TECPR2: variants seen among roughly 807,000 people sequenced by gnomAD.
TECPR2 encodes the protein tectonin beta-propeller repeat-containing protein 2.
TECPR2 carries 65 observed loss-of-function variants against 138.1 expected under a neutral mutation model. The observed-to-expected ratio is 0.47, with a 90% CI of 0.39 to 0.58. The LOEUF (loss-of-function observed/expected upper bound fraction) is 0.58. TECPR2 is among the 20% of genes least tolerant of loss of function. The probability of loss-of-function intolerance (pLI) is 0.00; values close to 1 mark genes in which losing one functional copy is unlikely to be tolerated. For missense variants in TECPR2, 1,553 were observed against 1,824.5 expected, an observed-to-expected ratio of 0.85 and a Z score of 2.71; for synonymous variants, 746 against 749.8, an observed-to-expected ratio of 0.99 and a Z score of 0.08.
intron 13 of TECPR2, among the ~76,000 whole-genome samples, chr14:102,446,540 A>G (rs910341916): frequency 1.3e-5 from 2 of 152,154 alleles, no homozygotes; most frequent in African/African-American, 4.8e-5. Flanking sequence ...CAAAGGTTTC[A>G]GCCAAGATCA....
At chr14:102,417,116 C>T (rs1165144386) in intron 5 of TECPR2, among the ~76,000 whole-genome samples, 8 of 152,212 alleles carry the variant, frequency 5.3e-5, no homozygotes, top group Admixed American at 5.2e-4. Context: ...TGATTGAAAG[C>T]GTGCTCTGCT....
chr14:102,459,372 C>T (rs533439437), intron 16 of TECPR2, among the ~76,000 whole-genome samples: 1 of 152,200 alleles, frequency 6.6e-6, no homozygotes, highest in South Asian at 2.1e-4. Flanking sequence ...AGGATGTCAT[C>T]ACACACAGTA....
chr14:102,483,368 T>C (rs953478244), intron 17 of TECPR2, among the ~76,000 whole-genome samples: 1 of 152,040 alleles, frequency 6.6e-6, no homozygotes, highest in Non-Finnish European at 1.5e-5. Context: ...TCTCTTGTTT[T>C]CCTTTTTTTG....
At chr14:102,482,800 C>T (rs1377293373) in intron 17 of TECPR2, among the ~76,000 whole-genome samples, 8 of 150,072 alleles carry the variant, frequency 5.3e-5, no homozygotes, top group South Asian at 2.1e-4. Flanking sequence ...CATTGTCTCT[C>T]GGCTTCCAGG....
chr14:102,472,099 G>A lies in TECPR2; in HGVS notation c.3789+6810G>A, dbSNP rs376449003. Among the ~76,000 whole-genome samples the A allele has an allele frequency of 9.8e-5, 15 of 152,370 alleles. No individual in the cohort carries two copies. In the South Asian group the frequency reaches 1.7e-3, roughly 17 times the overall value. ...GTCCTTGAGTGGGTTGAGCGCCCAT[G>A]TGCCTTGCCTCCTCCTTTTCCCAGC... On this transcript the variant is annotated intron_variant, in intron 17 of 19. Transcript: ENST00000359520.
At chr14:102,469,783 G>T (rs1890620441) in intron 17 of TECPR2, among the ~76,000 whole-genome samples, 1 of 152,032 alleles carries the variant, frequency 6.6e-6, no homozygotes, top group African/African-American at 2.4e-5. Context: ...TTCCTAGTTT[G>T]TTCAGTGTTT....
chr14:102,485,311 G>A (rs1037049715), intron 17 of TECPR2, among the ~76,000 whole-genome samples: 1 of 152,198 alleles, frequency 6.6e-6, no homozygotes, highest in South Asian at 2.1e-4. Flanking sequence ...CCAAACTGCT[G>A]TCTAATGGTG....
rs536687802 is a variant in TECPR2, at chr14:102,369,166, A to G, written c.-73+6050A>G. On this transcript the variant is annotated intron_variant, in intron 1 of 19. Coordinates refer to ENST00000359520, the MANE Select transcript of TECPR2 (RefSeq NM_014844.5). ...AGACCTCCTAAGCCACCACAAATAA[A>G]CATATTATCTGAGTAGAATAGTGCA... is the stretch of plus-strand genomic sequence containing the variant. Among the ~76,000 whole-genome samples the G allele has an allele frequency of 2.2e-4, 34 of 152,150 alleles. No individual in the cohort carries two copies. In the South Asian group the frequency reaches 7.1e-3, roughly 32 times the overall value.
intron 17 of TECPR2, among the ~76,000 whole-genome samples, chr14:102,480,278 G>A (rs1890860482): frequency 6.6e-6 from 1 of 151,382 alleles, no homozygotes. Context: ...AGGCTGGAGT[G>A]CAGTGGCATG....
rs1348130736 is a variant in TECPR2 at position 102,415,453 on chromosome 14, A to G, written c.638+660A>G. Among the ~76,000 whole-genome samples, 2 of 152,208 alleles carry G rather than the reference A, an allele frequency of 1.3e-5. No homozygotes were observed. Among genetic ancestry groups the G allele is most frequent in the Non-Finnish European group, 2.9e-5 (2 of 68,030 alleles). ...AAGGGCATCGAGAAGTCCACCAGCC[A>G]TACCAGCCGTGTGGGAAAAGACAAC... On this transcript the variant is annotated intron_variant, in intron 5 of 19. Transcript: ENST00000359520. The surrounding 1 kb of genome is among the most constrained non-coding windows in gnomAD (Gnocchi z 4.3).
intron 6 of TECPR2, 60 bp from the exon 7 acceptor site, chr14:102,428,190 A>G: frequency 1.4e-6 from 2 of 1,450,080 alleles, no homozygotes; most frequent in Non-Finnish European, 1.8e-6. Flanking sequence ...TTATGCTTTG[A>G]GCTGTTACCG....
rs533403713 is a variant in TECPR2 at position 102,415,712 on chromosome 14, T to C, written c.638+919T>C. 3.1e-4 allele frequency among the ~76,000 whole-genome samples: 47 copies of C among 152,208 alleles called. No individual in the cohort carries two copies. The highest frequency in any genetic ancestry group is 8.7e-4 in the African/African-American group (36 of 41,522). On this transcript the variant is annotated intron_variant, in intron 5 of 19. Transcript: ENST00000359520. The surrounding 1 kb of genome is among the most constrained non-coding windows in gnomAD (Gnocchi z 4.3). ...TGAGTCTACAGTCATGGATTGTCGA[T>C]TGGCCGATGGGAGCTGGAAGAGTTC... is the stretch of plus-strand genomic sequence containing the variant.
intron 7 of TECPR2, among the ~76,000 whole-genome samples, chr14:102,431,374 A>G (rs8005966): frequency 0.13 from 17,011 of 126,402 alleles, 2,185 homozygotes; most frequent in African/African-American, 0.36. Flanking sequence ...ACGGAGTCTC[A>G]CTGTGTTGCC....
intron 9 of TECPR2, 112 bp from the exon 10 acceptor site, chr14:102,437,910 C>CCCGTTTTT: frequency 1.6e-6 from 2 of 1,270,758 alleles, no homozygotes; most frequent in Non-Finnish European, 2.2e-6. Context: ...GTCTTGCTGA[C>CCCGTTTTT]CCGTTTTACC....
At chr14:102,409,720 A>G (rs1888769942) in intron 4 of TECPR2, among the ~76,000 whole-genome samples, 1 of 152,214 alleles carries the variant, frequency 6.6e-6, no homozygotes, top group Admixed American at 6.5e-5. Context: ...TTACACTCTT[A>G]GAAAGAGGAC....
intron 2 of TECPR2, among the ~76,000 whole-genome samples, chr14:102,402,218 A>G (rs1888513153): frequency 6.6e-6 from 1 of 152,228 alleles, no homozygotes; most frequent in Admixed American, 6.5e-5. Context: ...CCACAACAGG[A>G]TAAAGTTAGA....
chr14:102,484,243 G>T (rs1333016181), intron 17 of TECPR2, among the ~76,000 whole-genome samples: 1 of 152,072 alleles, frequency 6.6e-6, no homozygotes, highest in Non-Finnish European at 1.5e-5. Flanking sequence ...TTATTTCCAT[G>T]ATCACATGTT....
chr14:102,433,645 C>T (rs147509888), intron 8 of TECPR2, among the ~76,000 whole-genome samples: 397 of 152,116 alleles, frequency 2.6e-3, no homozygotes, highest in Non-Finnish European at 2.9e-3. Flanking sequence ...CTCAGCCTCC[C>T]GAGTAGCTGG....
Position 102,437,497 on chromosome 14 carries a change from T to C in TECPR2, c.2395-525T>C, listed in dbSNP as rs149725693. On this transcript the variant is annotated intron_variant, in intron 9 of 19. Coordinates refer to ENST00000359520, the MANE Select transcript of TECPR2 (RefSeq NM_014844.5). The stretch of plus-strand genomic sequence containing the variant: ...TGAACCCAGGAGGCGGAGGTTGCAG[T>C]GAGCCGAGATTGTGCCCCTGTACTC... Among the ~76,000 whole-genome samples the C allele has an allele frequency of 6.2e-4, 94 of 151,860 alleles. 1 individual carries two copies. Among genetic ancestry groups the C allele is most frequent in the African/African-American group, 2.2e-3 (92 of 41,402 alleles).
Sources: allele counts gnomAD v4.1 joint callset (sites outside exome capture counted in the v4.1 genomes callset), GRCh38; gene constraint gnomAD v4.1.1; non-coding constraint Gnocchi (gnomAD v3.1); transcripts MANE v1.5; gene names NCBI Gene and HGNC (gene_info 2026-07-23, HGNC 2026-07-21).